Variants in RASGRP3 observed in about 807,000 individuals in gnomAD.
RASGRP3 encodes ras guanyl-releasing protein 3.
In RASGRP3, 54 loss-of-function variants were observed where a neutral mutation model predicts 82.7. That is an observed-to-expected ratio of 0.65 (90% confidence interval 0.52 to 0.82). The LOEUF is 0.82. Among genes scored for constraint, RASGRP3 ranks in the 40% least tolerant of loss-of-function variants. RASGRP3 has a pLI of 0.00. For synonymous variants in RASGRP3, 309 were observed against 300.5 expected, an observed-to-expected ratio of 1.03 and a Z score of -0.29; for missense variants, 861 against 828.9, an observed-to-expected ratio of 1.04 and a Z score of -0.48.
In RASGRP3 at chr2:33,562,709, G is replaced by C; in HGVS notation, c.2065-20G>C. On this transcript the variant is annotated intron_variant, in intron 17 of 17. Transcript: ENST00000403687. ...TTATATGAGATCCAGCCATGCAATA[G>C]GTTCCAATTTGTGTTTCAGGATGGC... 1 of 1,612,956 alleles carries C rather than the reference G, an allele frequency of 6.2e-7. No individual in the cohort carries two copies. Among genetic ancestry groups the C allele is most frequent in the South Asian group, 1.1e-5 (1 of 91,018 alleles).
chr2:33,514,521 A>AAAAAAAAAAAAAC (rs1558468731), intron 2 of RASGRP3, among the ~76,000 whole-genome samples: 1 of 148,802 alleles, frequency 6.7e-6, no homozygotes, highest in Admixed American at 6.7e-5. Flanking sequence ...AAAAAAAAAA[A>AAAAAAAAAAAAAC]AAAAAACCCA....
In RASGRP3 at chr2:33,558,281, G is replaced by C; in HGVS notation, c.1650G>C (p.Ala550=). 1 of 1,613,518 alleles carries C rather than the reference G, an allele frequency of 6.2e-7. No homozygotes were observed. The highest frequency in any genetic ancestry group is 1.1e-5 in the South Asian group (1 of 90,950). Residue 550 remains alanine (A), a synonymous_variant, in exon 16 of 18, where the codon GCG becomes GCC. Coordinates refer to ENST00000403687, the MANE Select transcript of RASGRP3 (RefSeq NM_001139488.2). ...LVLACRRFAR[A]PSLSSGHGSL... ...TGGCCTGCAGGAGATTTGCCCGGGC[G>C]CCCTCCTTGAGCAGTGGTCATGGGT...
At position 33,520,556 on chromosome 2, in the gene RASGRP3, C is replaced by T. The variant is rs777680645; in HGVS notation, c.240C>T (p.Tyr80=). 5 of 1,613,754 alleles carry T rather than the reference C, an allele frequency of 3.1e-6. No homozygotes were observed. Among genetic ancestry groups the T allele is most frequent in the Middle Eastern group, 3.3e-4 (2 of 6,060 alleles). The part of the protein sequence containing the change: ...FRLKICYFMR[Y]WILKFPAEFN... ...AAAAATATTTGATGCCTTTCAGGTA[C>T]TGGATTCTGAAGTTTCCTGCAGAGT... The change falls in exon 6 of 18, where the codon TAC becomes TAT. Residue 80 remains tyrosine (Y), a synonymous_variant. Transcript: ENST00000403687.
intron 13 of RASGRP3, among the ~76,000 whole-genome samples, chr2:33,549,396 C>T (rs894463920): frequency 6.6e-6 from 1 of 152,176 alleles, no homozygotes; most frequent in Non-Finnish European, 1.5e-5. Flanking sequence ...AGGATGCACA[C>T]ATACACAATT....
At chr2:33,461,134 C>T (rs1666340720) in intron 2 of RASGRP3, among the ~76,000 whole-genome samples, 1 of 152,232 alleles carries the variant, frequency 6.6e-6, no homozygotes, top group Non-Finnish European at 1.5e-5. Context: ...CAATCCCTTG[C>T]CTCTCAATTT....
chr2:33,450,808 C>CTCTT (rs1403393427), intron 2 of RASGRP3, among the ~76,000 whole-genome samples: 1 of 65,332 alleles, frequency 1.5e-5, no homozygotes, highest in Non-Finnish European at 3.0e-5. Context: ...CTTTCTTTTT[C>CTCTT]TCTTTCTTTC....
chr2:33,561,403 GACC>G (rs1361517163), intron 17 of RASGRP3, among the ~76,000 whole-genome samples: 1 of 152,080 alleles, frequency 6.6e-6, no homozygotes, highest in Non-Finnish European at 1.5e-5. Context: ...ATGGTTCACT[GACC>G]ACGAGTATTT....
rs191138274 is a variant in RASGRP3, at chr2:33,554,801, G to C, written c.1543-730G>C. Among the ~76,000 whole-genome samples the C allele has an allele frequency of 4.5e-3, 689 of 152,228 alleles. 8 individuals are homozygous for C. The highest frequency in any genetic ancestry group is 0.016 in the Admixed American group (247 of 15,278). On this transcript the variant is annotated intron_variant, in intron 14 of 17. Coordinates refer to ENST00000403687, the MANE Select transcript of RASGRP3 (RefSeq NM_001139488.2). ...CCCTCTTCTTTATGGTGTTTAGAAGGAGTCTGTCTGGAGAGCGAAGACACC... is the reference window on the plus strand; with the variant it reads ...CCCTCTTCTTTATGGTGTTTAGAAGCAGTCTGTCTGGAGAGCGAAGACACC...
At chr2:33,537,337 C>A (rs1673752843) in intron 11 of RASGRP3, among the ~76,000 whole-genome samples, 1 of 118,650 alleles carries the variant, frequency 8.4e-6, no homozygotes, top group Admixed American at 1.0e-4. Flanking sequence ...CCCCCACACA[C>A]ACACACAAGT....
chr2:33,520,732 G>A (rs760913098), intron 6 of RASGRP3, 48 bp downstream of exon 6: 4 of 1,604,188 alleles, frequency 2.5e-6, no homozygotes, highest in Admixed American at 3.3e-5. Flanking sequence ...CCACCACTTA[G>A]GGGAGGAAGT....
At chr2:33,482,969 T>A (rs1401449664) in intron 1 of RASGRP3, 1 of 152,182 alleles carries the variant, frequency 6.6e-6, no homozygotes, top group Non-Finnish European at 1.5e-5. Flanking sequence ...GCATTTTTCT[T>A]TAGTGATTAC....
chr2:33,525,070 G>A (rs1227870668), intron 9 of RASGRP3, among the ~76,000 whole-genome samples: 17 of 123,652 alleles, frequency 1.4e-4, no homozygotes, highest in African/African-American at 5.5e-4. Context: ...GATAGAGCGA[G>A]ACTCCATCTC....
chr2:33,462,367 T>G (rs923435339), intron 2 of RASGRP3, among the ~76,000 whole-genome samples: 2 of 144,350 alleles, frequency 1.4e-5, no homozygotes, highest in South Asian at 2.2e-4. Flanking sequence ...ATGTAGAGGT[T>G]TTTTTTTTTT....
At position 33,559,348 on chromosome 2, in the gene RASGRP3, C is replaced by T. The variant is rs568814069; in HGVS notation, c.2064+318C>T. Among the ~76,000 whole-genome samples, 9 of 152,232 alleles carry T rather than the reference C, an allele frequency of 5.9e-5. No homozygotes were observed. The South Asian group carries it at 8.3e-4, about 14-fold the overall frequency. ...ACTATATATCCAAAATACCAGTACA[C>T]GATACAGATCAGCTTGGTTTTCCAA... is the stretch of plus-strand genomic sequence containing the variant. On this transcript the variant is annotated intron_variant, in intron 17 of 17. Transcript: ENST00000403687.
intron 1 of RASGRP3, among the ~76,000 whole-genome samples, chr2:33,440,041 T>C (rs929546416): frequency 1.3e-5 from 2 of 152,142 alleles, no homozygotes; most frequent in African/African-American, 2.4e-5. Flanking sequence ...GAGGATGTTA[T>C]GTTTTATGGC....
chr2:33,454,993 T>A (rs534971762), intron 2 of RASGRP3, among the ~76,000 whole-genome samples: 2 of 152,134 alleles, frequency 1.3e-5, no homozygotes. Context: ...TCAGTTTGAG[T>A]TACATGCTCA....
chr2:33,520,774 C>T (rs1671954943), intron 6 of RASGRP3, 90 bp downstream of exon 6: 1 of 1,526,364 alleles, frequency 6.6e-7, no homozygotes, highest in Non-Finnish European at 8.9e-7. Context: ...GAGTCCATCC[C>T]ACTCCTGAAT....
intron 12 of RASGRP3, among the ~76,000 whole-genome samples, chr2:33,543,126 C>A (rs1674422358): frequency 6.6e-6 from 1 of 152,180 alleles, no homozygotes; most frequent in Non-Finnish European, 1.5e-5. Flanking sequence ...AAGTCTCCTG[C>A]CTCAGCCTCA....
chr2:33,487,917 A>G (rs1243236407), intron 1 of RASGRP3, among the ~76,000 whole-genome samples: 1 of 152,264 alleles, frequency 6.6e-6, no homozygotes, highest in African/African-American at 2.4e-5. Flanking sequence ...CCTGGGCAAC[A>G]TAGTTGCAGA....
Sources: allele counts gnomAD v4.1 joint callset (sites outside exome capture counted in the v4.1 genomes callset), GRCh38; gene constraint gnomAD v4.1.1; transcripts MANE v1.5; gene names NCBI Gene and HGNC (gene_info 2026-07-23, HGNC 2026-07-21).